The following ADCY2 variants were observed in gnomAD, a reference collection of about 807,000 sequenced individuals.
The protein encoded by ADCY2 is adenylate cyclase type 2.
In ADCY2, 31 loss-of-function variants were observed where a neutral mutation model predicts 125.2. That is an observed-to-expected ratio of 0.25 (90% CI 0.19 to 0.33). ADCY2 has a LOEUF of 0.33. Among genes scored for constraint, ADCY2 ranks in the 10% least tolerant of loss-of-function variants. The pLI, the probability that ADCY2 is intolerant of heterozygous loss-of-function variation, is 1.00. For synonymous variants in ADCY2, 512 were observed against 548.4 expected (o/e 0.93, Z 0.93); for missense variants, 904 against 1,418.2 (o/e 0.64, Z 5.82).
chr5:7,766,845 C>T lies in ADCY2; in HGVS notation c.2214+39C>T, dbSNP rs773290377. 2.5e-6 allele frequency: 4 copies of T among 1,599,818 alleles called. No individual in the cohort carries two copies. The South Asian group carries it at 4.5e-5, about 18-fold the overall frequency. On this transcript the variant is annotated intron_variant, in intron 17 of 24. Coordinates refer to ENST00000338316, the MANE Select transcript of ADCY2 (RefSeq NM_020546.3). The stretch of plus-strand genomic sequence containing the variant: ...AATTATGACTGCTTTGGTGGCTCTC[C>T]TGTATGCTCGTAGTCTGTATAACAT...
At chr5:7,397,445 G>GTTTTTTTTT (rs767411861) in intron 1 of ADCY2, among the ~76,000 whole-genome samples, 2 of 70,106 alleles carry the variant, frequency 2.9e-5, no homozygotes, top group African/African-American at 1.0e-4. Flanking sequence ...CCACCAGTGA[G>GTTTTTTTTT]TTTTTTTTTT....
chr5:7,795,100 C>T (rs1296564269), intron 20 of ADCY2: 1 of 152,192 alleles, frequency 6.6e-6, no homozygotes, highest in African/African-American at 2.4e-5. Context: ...CACAAGCCTT[C>T]CTTGACCTCC....
chr5:7,635,763 G>T (rs1404319455), intron 4 of ADCY2, among the ~76,000 whole-genome samples: 3 of 152,182 alleles, frequency 2.0e-5, no homozygotes, highest in Admixed American at 6.5e-5. Context: ...TAACATTTGA[G>T]CAGGAATAGA....
chr5:7,751,643 G>A (rs114593104), intron 15 of ADCY2, among the ~76,000 whole-genome samples: 1,840 of 152,308 alleles, frequency 0.012, 38 homozygotes, highest in African/African-American at 0.042. Context: ...ACTTCCCTGA[G>A]CTAGTGAATG....
At chr5:7,765,158 T>A (rs1443159784) in intron 16 of ADCY2, among the ~76,000 whole-genome samples, 1 of 152,218 alleles carries the variant, frequency 6.6e-6, no homozygotes, top group Non-Finnish European at 1.5e-5. Flanking sequence ...TTTACCTAGT[T>A]TTTTGCCTAT....
intron 2 of ADCY2, among the ~76,000 whole-genome samples, chr5:7,454,378 C>T (rs372313435): frequency 2.0e-4 from 30 of 152,214 alleles, no homozygotes; most frequent in East Asian, 1.2e-3. Flanking sequence ...CACTTTATTT[C>T]GGCATTCTCT....
chr5:7,528,818 A>C (rs546521910), intron 3 of ADCY2, among the ~76,000 whole-genome samples: 1 of 152,322 alleles, frequency 6.6e-6, no homozygotes, highest in South Asian at 2.1e-4. Flanking sequence ...GGCTCTGCTC[A>C]TTCCAAATGT....
At chr5:7,580,505 A>G (rs1736395537) in intron 3 of ADCY2, among the ~76,000 whole-genome samples, 1 of 152,204 alleles carries the variant, frequency 6.6e-6, no homozygotes, top group African/African-American at 2.4e-5. Context: ...AATAGTATTG[A>G]ACATGAGCAG....
intron 3 of ADCY2, among the ~76,000 whole-genome samples, chr5:7,544,955 G>A (rs778633782): frequency 6.6e-6 from 1 of 152,224 alleles, no homozygotes; most frequent in South Asian, 2.1e-4. Flanking sequence ...CCAGGCCTGG[G>A]CCTACCTGCC....
chr5:7,558,163 G>C (rs1053279687), intron 3 of ADCY2, among the ~76,000 whole-genome samples: 1 of 151,356 alleles, frequency 6.6e-6, no homozygotes. Flanking sequence ...AGTGATTCTT[G>C]TGCCTCAACC....
At chr5:7,514,241 T>A (rs1197630227) in intron 2 of ADCY2, among the ~76,000 whole-genome samples, 1 of 152,210 alleles carries the variant, frequency 6.6e-6, no homozygotes, top group East Asian at 1.9e-4. Flanking sequence ...TGAGACAGAG[T>A]GGAACCCTGA....
intron 2 of ADCY2, among the ~76,000 whole-genome samples, chr5:7,462,696 A>T (rs995036697): frequency 6.6e-6 from 1 of 152,234 alleles, no homozygotes; most frequent in Non-Finnish European, 1.5e-5. Flanking sequence ...TATTTTTAGT[A>T]TATGCTTTGC....
chr5:7,823,638 C>A (rs1428844556), intron 24 of ADCY2, among the ~76,000 whole-genome samples: 1 of 152,166 alleles, frequency 6.6e-6, no homozygotes, highest in Non-Finnish European at 1.5e-5. Context: ...ACTTTCCCAC[C>A]TGCAGGCCAG....
intron 24 of ADCY2, 143 bp from the exon 25 acceptor site, chr5:7,826,576 C>T (rs1223588992): frequency 1.9e-6 from 2 of 1,057,608 alleles, no homozygotes; most frequent in Non-Finnish European, 2.9e-6. Context: ...TTGTGGATTA[C>T]TCTCACTTTT....
chr5:7,458,769 G>A (rs953064343), intron 2 of ADCY2, among the ~76,000 whole-genome samples: 12 of 152,076 alleles, frequency 7.9e-5, no homozygotes, highest in Admixed American at 7.2e-4. Context: ...CCTAAGACTC[G>A]ATAGTACACA....
chr5:7,571,739 C>G (rs925001092), intron 3 of ADCY2, among the ~76,000 whole-genome samples: 4 of 151,966 alleles, frequency 2.6e-5, no homozygotes, highest in African/African-American at 9.7e-5. Context: ...TTTTATCACC[C>G]AAGTGTTAAG....
rs762955442 is a variant in ADCY2, at chr5:7,396,547, G to A, written c.210+41G>A. On this transcript the variant is annotated intron_variant, in intron 1 of 24. Transcript: ENST00000338316. The surrounding 1 kb of genome is among the most constrained non-coding windows in gnomAD (Gnocchi z 5.7). The stretch of plus-strand genomic sequence containing the variant: ...GCGGGTCCAGCGCCGCGCCTTCCCC[G>A]GCCCTGAGAGGAGCCCGGCCAGCCG... 1.3e-6 allele frequency: 2 copies of A among 1,507,908 alleles called. No homozygotes were observed. Among genetic ancestry groups the A allele is most frequent in the Non-Finnish European group, 1.8e-6 (2 of 1,129,122 alleles). The allele number at this position is 1,507,908 out of a possible 1,614,324, so 93.4% of individuals were successfully genotyped here. A position where few individuals can be genotyped will look rare whatever the true frequency, so the allele number is the denominator to read the frequency against.
intron 4 of ADCY2, among the ~76,000 whole-genome samples, chr5:7,680,710 CT>C (rs1349277693): frequency 6.6e-6 from 1 of 152,140 alleles, no homozygotes; most frequent in African/African-American, 2.4e-5. Flanking sequence ...AGTTTTCATC[CT>C]ATGTAACTTG....
At chr5:7,643,057 T>C (rs1738765831) in intron 4 of ADCY2, among the ~76,000 whole-genome samples, 1 of 152,044 alleles carries the variant, frequency 6.6e-6, no homozygotes, top group South Asian at 2.1e-4. Context: ...CCTTTTTCTT[T>C]GTCTACAGAG....
Sources: allele counts gnomAD v4.1 joint callset (sites outside exome capture counted in the v4.1 genomes callset), GRCh38; gene constraint gnomAD v4.1.1; non-coding constraint Gnocchi (gnomAD v3.1); transcripts MANE v1.5; gene names NCBI Gene and HGNC (gene_info 2026-07-23, HGNC 2026-07-21).